The following COL11A1 variants were observed in gnomAD, a reference collection of about 807,000 sequenced individuals.
COL11A1 encodes collagen type XI alpha 1 chain.
A neutral mutation model predicts 265.2 loss-of-function variants in COL11A1; 74 were observed. The observed-to-expected ratio is 0.28, with a 90% CI of 0.23 to 0.34. COL11A1 has a LOEUF of 0.34. Among genes scored for constraint, COL11A1 ranks in the 10% least tolerant of loss-of-function variants. COL11A1 has a pLI of 1.00. For synonymous variants in COL11A1, 816 were observed against 727.6 expected, an observed-to-expected ratio of 1.12 and a Z score of -1.96; for missense variants, 2,165 against 2,263.6, an observed-to-expected ratio of 0.96 and a Z score of 0.88.
chr1:102,940,170 TTAAA>T (rs1658573784), intron 43 of COL11A1, among the ~76,000 whole-genome samples, 153 bp downstream of exon 43: 1 of 152,204 alleles, frequency 6.6e-6, no homozygotes. Context: ...TCTGAACCTC[TTAAA>T]TAAAACTTTT....
intron 5 of COL11A1, among the ~76,000 whole-genome samples, 161 bp from the exon 6 acceptor site, chr1:103,026,493 C>T (rs1233237639): frequency 6.6e-6 from 1 of 152,100 alleles, no homozygotes; most frequent in East Asian, 1.9e-4. Context: ...ATTATACTGT[C>T]TTATACAGAG....
intron 4 of COL11A1, among the ~76,000 whole-genome samples, chr1:103,063,938 A>G (rs34727523): frequency 0.038 from 5,744 of 152,314 alleles, 126 homozygotes; most frequent in Middle Eastern, 0.092. Context: ...GATGGAAAGT[A>G]AGCCTATGAA....
intron 1 of COL11A1, among the ~76,000 whole-genome samples, chr1:103,104,565 G>A (rs1674546441): frequency 1.3e-5 from 2 of 152,190 alleles, no homozygotes; most frequent in South Asian, 4.1e-4. Context: ...TATCCCCTCA[G>A]TTAAGTATTA....
intron 46 of COL11A1, among the ~76,000 whole-genome samples, chr1:102,933,607 G>T (rs908270920): frequency 1.1e-4 from 17 of 152,182 alleles, no homozygotes; most frequent in African/African-American, 3.6e-4. Flanking sequence ...TTGAGCTGTG[G>T]TGGGCTCCAC....
chr1:102,881,926 G>A (rs1557768950), intron 64 of COL11A1, among the ~76,000 whole-genome samples, 161 bp from the exon 65 acceptor site: 2 of 152,204 alleles, frequency 1.3e-5, no homozygotes, highest in South Asian at 4.2e-4. Context: ...ATGAGACAAA[G>A]AGAAAAATTT....
chr1:102,909,691 TA>T lies in COL11A1; in HGVS notation c.4086+2467del, dbSNP rs1654416325. Among the ~76,000 whole-genome samples, 5 of 152,180 alleles carry T rather than the reference TA, an allele frequency of 3.3e-5. No homozygotes were observed. The East Asian group carries it at 5.8e-4, about 18-fold the overall frequency. On this transcript the variant is annotated intron_variant, in intron 54 of 66. Coordinates refer to ENST00000370096, the MANE Select transcript of COL11A1 (RefSeq NM_001854.4). ...ACTCAGATGTAAATGAATAAGAATG[TA>T]AATACATGGACTTTCTCTTACTCAA...
At chr1:103,025,146 A>G (rs1427032836) in intron 7 of COL11A1, among the ~76,000 whole-genome samples, 1 of 152,194 alleles carries the variant, frequency 6.6e-6, no homozygotes, top group Non-Finnish European at 1.5e-5. Flanking sequence ...TTCTAATTGT[A>G]TCCTTCGATG....
intron 1 of COL11A1, among the ~76,000 whole-genome samples, chr1:103,104,996 T>A (rs1309206273): frequency 4.6e-5 from 7 of 152,198 alleles, no homozygotes; most frequent in Non-Finnish European, 8.8e-5. Flanking sequence ...AGTTCCCAGT[T>A]TGATCAGCCT....
At chr1:103,088,347 G>T (rs1304809581) in intron 1 of COL11A1, among the ~76,000 whole-genome samples, 2 of 151,396 alleles carry the variant, frequency 1.3e-5, no homozygotes, top group Non-Finnish European at 2.9e-5. Flanking sequence ...ACTTCAAAGA[G>T]TTTTTTTTTG....
At chr1:103,074,176 A>G (rs1195741775) in intron 4 of COL11A1, among the ~76,000 whole-genome samples, 1 of 152,116 alleles carries the variant, frequency 6.6e-6, no homozygotes, top group Non-Finnish European at 1.5e-5. Context: ...AACACTTAAA[A>G]TTTATATTTT....
At chr1:102,970,057 T>TA (rs1661807925) in intron 37 of COL11A1, among the ~76,000 whole-genome samples, 162 bp downstream of exon 37, 1 of 147,904 alleles carries the variant, frequency 6.8e-6, no homozygotes, top group African/African-American at 2.6e-5. Context: ...TATTTTTGTA[T>TA]TTATATATAT....
intron 32 of COL11A1, 75 bp from the exon 33 acceptor site, chr1:102,979,179 C>T: frequency 3.7e-6 from 5 of 1,347,000 alleles, no homozygotes; most frequent in Non-Finnish European, 5.3e-6. Flanking sequence ...ACTGAGTAGT[C>T]ATGCAAGAAC....
chr1:102,912,936 A>G (rs1159878436), intron 53 of COL11A1, among the ~76,000 whole-genome samples: 1 of 152,224 alleles, frequency 6.6e-6, no homozygotes, highest in Non-Finnish European at 1.5e-5. Flanking sequence ...CAGAATTGTG[A>G]GTCAATTAAA....
At chr1:103,083,783 CCT>C (rs1672630975) in intron 1 of COL11A1, among the ~76,000 whole-genome samples, 1 of 152,032 alleles carries the variant, frequency 6.6e-6, no homozygotes. Context: ...GCTGAAAGTC[CCT>C]GGAGATGAGT....
intron 4 of COL11A1, among the ~76,000 whole-genome samples, chr1:103,074,258 C>T (rs1290598229): frequency 6.6e-6 from 1 of 152,006 alleles, no homozygotes; most frequent in Non-Finnish European, 1.5e-5. Context: ...ATGACTTGCG[C>T]ATCTCTCTAA....
chr1:102,934,276 A>G (rs1657911729), intron 46 of COL11A1, among the ~76,000 whole-genome samples, 173 bp downstream of exon 46: 1 of 152,240 alleles, frequency 6.6e-6, no homozygotes, highest in Non-Finnish European at 1.5e-5. Context: ...TACATGATAA[A>G]ATGATTTCAA....
At chr1:102,890,609 T>C in intron 57 of COL11A1, 105 bp from the exon 58 acceptor site, 1 of 868,280 alleles carries the variant, frequency 1.2e-6, no homozygotes, top group Non-Finnish European at 1.8e-6. Flanking sequence ...AAATACGGAG[T>C]TGAAAATAGT....
In COL11A1 at chr1:102,877,564, G is replaced by A. The variant is rs1013279245; in HGVS notation, c.*455C>T. ...GTTCTGCAATTCTCATAAAATTAGA[G>A]TCAGATGGAATTCAGGGACACGTGC... On this transcript the variant is annotated 3_prime_UTR_variant, in exon 67 of 67. Transcript: ENST00000370096. 1 of 153,874 alleles carries A rather than the reference G, an allele frequency of 6.5e-6. No homozygotes were observed. The highest frequency in any genetic ancestry group is 1.4e-5 in the Non-Finnish European group (1 of 69,020). 9.5% of individuals were successfully genotyped at this position (153,874 alleles called of 1,614,324 possible). A position where few individuals can be genotyped will look rare whatever the true frequency, so the allele number is the denominator to read the frequency against.
chr1:102,882,134 T>C (rs141800862), intron 64 of COL11A1, among the ~76,000 whole-genome samples: 1 of 151,660 alleles, frequency 6.6e-6, no homozygotes, highest in African/African-American at 2.4e-5. Flanking sequence ...GCAAGGCAGG[T>C]ACCATCTTCA....
Sources: gnomAD v4.1 joint callset for allele counts (sites outside exome capture counted in the v4.1 genomes callset) on GRCh38, gnomAD v4.1.1 for gene constraint, MANE v1.5 for transcripts, NCBI Gene and HGNC (gene_info 2026-07-23, HGNC 2026-07-21) for gene names.